The following C12orf56 variants were observed in gnomAD, a reference collection of about 807,000 sequenced individuals.
The protein encoded by C12orf56 is uncharacterized protein C12orf56.
C12orf56 carries 71 observed loss-of-function variants against 69.9 expected under a neutral mutation model. The ratio of observed to expected loss-of-function variants is 1.02; its 90% confidence interval spans 0.84 to 1.24. The LOEUF is 1.24. Among genes scored for constraint, C12orf56 ranks in the 50% most tolerant of loss-of-function variants. C12orf56 has a pLI of 0.00. For missense variants in C12orf56, 732 were observed against 738.5 expected (o/e 0.99, Z 0.10); for synonymous variants, 276 against 274.1 (o/e 1.01, Z -0.07).
At chr12:64,321,824 T>A (rs1057105763) in intron 3 of C12orf56, among the ~76,000 whole-genome samples, 9 of 152,070 alleles carry the variant, frequency 5.9e-5, no homozygotes, top group Non-Finnish European at 1.0e-4. Context: ...TCCTTTATTA[T>A]TTTCAGCAGT....
intron 4 of C12orf56, 100 bp downstream of exon 4, chr12:64,318,475 A>T: frequency 9.4e-7 from 1 of 1,066,046 alleles, no homozygotes; most frequent in South Asian, 1.8e-5. Context: ...TCCAAGGCTA[A>T]ATTTCCAAAA....
chr12:64,273,594 G>A (rs1421175721), intron 11 of C12orf56, among the ~76,000 whole-genome samples: 4 of 152,194 alleles, frequency 2.6e-5, no homozygotes, highest in African/African-American at 7.2e-5. Flanking sequence ...AGATTATGCT[G>A]TGGTAACAAA....
chr12:64,295,311 C>T (rs775583694), intron 6 of C12orf56, among the ~76,000 whole-genome samples: 8 of 152,242 alleles, frequency 5.3e-5, no homozygotes, highest in Middle Eastern at 3.4e-3. Context: ...ACATGTTGAG[C>T]GAAACAGACA....
chr12:64,298,085 G>T (rs1207120683), intron 6 of C12orf56, among the ~76,000 whole-genome samples: 1 of 152,092 alleles, frequency 6.6e-6, no homozygotes, highest in Non-Finnish European at 1.5e-5. Context: ...ATTCTAACTG[G>T]CATGAGATGG....
At chr12:64,342,319 T>G (rs1003332973) in intron 2 of C12orf56, among the ~76,000 whole-genome samples, 1 of 152,182 alleles carries the variant, frequency 6.6e-6, no homozygotes, top group African/African-American at 2.4e-5. Flanking sequence ...TTCTGCCCAA[T>G]GGGAAGATTT....
intron 1 of C12orf56, among the ~76,000 whole-genome samples, chr12:64,378,389 G>A (rs1438083000): frequency 6.6e-6 from 1 of 151,926 alleles, no homozygotes; most frequent in Non-Finnish European, 1.5e-5. Flanking sequence ...AGATGGATGA[G>A]ATGAAACCTC....
rs200690603 is a variant in C12orf56, at chr12:64,390,534, G to T, written c.32C>A (p.Ala11Glu). The T allele has an allele frequency of 6.3e-7, 1 of 1,595,982 alleles. No homozygotes were observed. Among genetic ancestry groups the T allele is most frequent in the Non-Finnish European group, 8.5e-7 (1 of 1,177,784 alleles). Residue 11 changes from alanine to glutamate, a missense_variant, in exon 1 of 13, where the codon GCG becomes GAG. Transcript: ENST00000543942. MASPLPSGFP[A>E]RRNSRLDVFL... ...CACATCCAGGCGGCTGTTCCTGCGC[G>T]CGGGGAAGCCGGACGGCAAGGGGCT...
At position 64,277,763 on chromosome 12, in the gene C12orf56, G is replaced by C; in HGVS notation, c.1351C>G (p.Pro451Ala). 6.2e-7 allele frequency: 1 copy of C among 1,600,910 alleles called. No homozygotes were observed. Among genetic ancestry groups the C allele is most frequent in the Non-Finnish European group, 8.5e-7 (1 of 1,172,336 alleles). Reference protein sequence around the residue: ...FNLLVILISEPQIPKSCPVFD... With the variant: ...FNLLVILISEAQIPKSCPVFD... ...ACAGGACAAGATTTTGGAATCTGAG[G>C]CTCACTAATTAAAATTACCAAGAGA... is the stretch of plus-strand genomic sequence containing the variant. Residue 451 changes from proline to alanine, a missense_variant, in exon 9 of 13, where the codon CCT becomes GCT. Pro to Ala is a conservative substitution (Grantham distance 27, BLOSUM62 -1). Coordinates refer to ENST00000543942, the MANE Select transcript of C12orf56 (RefSeq NM_001170633.2).
At chr12:64,306,419 GTT>G (rs776815643) in intron 5 of C12orf56, among the ~76,000 whole-genome samples, 10 of 132,860 alleles carry the variant, frequency 7.5e-5, no homozygotes, top group Admixed American at 1.5e-4. Context: ...GGAAGGTTTT[GTT>G]TTTTTTTTTT....
At chr12:64,348,607 G>A (rs1477727688) in intron 2 of C12orf56, among the ~76,000 whole-genome samples, 2 of 152,198 alleles carry the variant, frequency 1.3e-5, no homozygotes, top group Middle Eastern at 3.2e-3. Flanking sequence ...GGGGCATACA[G>A]AAGAGAGGTA....
intron 6 of C12orf56, among the ~76,000 whole-genome samples, chr12:64,297,387 CT>C (rs2038380542): frequency 1.4e-5 from 1 of 72,316 alleles, no homozygotes; most frequent in African/African-American, 3.5e-5. Context: ...TACCCATTTA[CT>C]TTTTTTTCTT....
At position 64,329,374 on chromosome 12, in the gene C12orf56, T is replaced by C. The variant is rs772855232; in HGVS notation, c.488+1586A>G. On this transcript the variant is annotated intron_variant, in intron 3 of 12. Transcript: ENST00000543942. ...AATATCTCTTCCATCCGTCCCTTTT[T>C]CTTTATTTTTGCTATCACTACCCCA... Among the ~76,000 whole-genome samples the C allele has an allele frequency of 9.7e-4, 148 of 152,212 alleles. 2 individuals carry two copies. Among genetic ancestry groups the C allele is most frequent in the Non-Finnish European group, 1.2e-3 (82 of 68,006 alleles).
At position 64,267,243 on chromosome 12, in the gene C12orf56, A is replaced by G. The variant is rs1183585622; in HGVS notation, c.1809T>C (p.Cys603=). 10 of 1,612,734 alleles carry G rather than the reference A, an allele frequency of 6.2e-6. No individual in the cohort carries two copies. Among genetic ancestry groups the G allele is most frequent in the Non-Finnish European group, 8.5e-6 (10 of 1,179,480 alleles). Reference sequence around the variant, plus strand: ...GAATGGTAGGTTGAGTGATGGGGTAACACAATGGGAGCCTTTTCTGCAAGG... The same window carrying G: ...GAATGGTAGGTTGAGTGATGGGGTAGCACAATGGGAGCCTTTTCTGCAAGG... ...MPALQKRLPL[C]YPITQPTIQL... The change falls in exon 13 of 13, where the codon TGT becomes TGC. Residue 603 remains cysteine (C), a synonymous_variant. Transcript: ENST00000543942.
chr12:64,382,651 G>A (rs2039734689), intron 1 of C12orf56, among the ~76,000 whole-genome samples: 1 of 151,970 alleles, frequency 6.6e-6, no homozygotes, highest in South Asian at 2.1e-4. Context: ...GAGGTGGGTG[G>A]ATCACAAGGT....
At chr12:64,335,417 C>CA (rs59759648) in intron 2 of C12orf56, among the ~76,000 whole-genome samples, 39 of 98,248 alleles carry the variant, frequency 4.0e-4, no homozygotes, top group African/African-American at 1.2e-3. Context: ...ACTTCATCTC[C>CA]AAAAAAAAAA....
At chr12:64,383,308 A>G (rs77144852) in intron 1 of C12orf56, among the ~76,000 whole-genome samples, 4 of 38,810 alleles carry the variant, frequency 1.0e-4, no homozygotes, top group Non-Finnish European at 5.5e-4. Flanking sequence ...CAAAGTCTCA[A>G]AAAAAAAAAA....
At chr12:64,321,236 T>C (rs2038768802) in intron 3 of C12orf56, among the ~76,000 whole-genome samples, 1 of 152,240 alleles carries the variant, frequency 6.6e-6, no homozygotes, top group Admixed American at 6.5e-5. Flanking sequence ...CTTCAGTTGA[T>C]GGTTTATCTT....
intron 3 of C12orf56, among the ~76,000 whole-genome samples, chr12:64,330,671 G>C (rs2038917745): frequency 6.6e-6 from 1 of 152,106 alleles, no homozygotes; most frequent in African/African-American, 2.4e-5. Context: ...GCCCTACACA[G>C]AACCAGAGCT....
intron 3 of C12orf56, among the ~76,000 whole-genome samples, chr12:64,326,465 C>A (rs1282710261): frequency 6.6e-6 from 1 of 152,202 alleles, no homozygotes; most frequent in African/African-American, 2.4e-5. Flanking sequence ...CACAGTGGCT[C>A]ACGCCTATAA....
Sources: gnomAD v4.1 joint callset for allele counts (sites outside exome capture counted in the v4.1 genomes callset) on GRCh38, gnomAD v4.1.1 for gene constraint, MANE v1.5 for transcripts, NCBI Gene and HGNC (gene_info 2026-07-23, HGNC 2026-07-21) for gene names.